STK32B: variants seen among roughly 807,000 people sequenced by gnomAD.
STK32B encodes serine/threonine-protein kinase 32B.
STK32B carries 43 observed loss-of-function variants against 52.6 expected under a neutral mutation model. That is an observed-to-expected ratio of 0.82 (90% CI 0.64 to 1.05). The LOEUF (loss-of-function observed/expected upper bound fraction) is 1.05. STK32B is among the 50% of genes least tolerant of loss of function. The probability of loss-of-function intolerance (pLI) is 0.00; values close to 1 mark genes in which losing one functional copy is unlikely to be tolerated. For missense variants in STK32B, 621 were observed against 534.6 expected (o/e 1.16, Z -1.59); for synonymous variants, 238 against 204.3 (o/e 1.17, Z -1.41).
At chr4:5,487,747 T>C (rs184105353) in intron 11 of STK32B, among the ~76,000 whole-genome samples, 19 of 152,328 alleles carry the variant, frequency 1.2e-4, no homozygotes, top group Non-Finnish European at 2.5e-4. Flanking sequence ...AGTCTTATTC[T>C]GATATGGAGT....
intron 6 of STK32B, among the ~76,000 whole-genome samples, chr4:5,438,659 A>G (rs1425796873): frequency 6.6e-6 from 1 of 152,168 alleles, no homozygotes; most frequent in Non-Finnish European, 1.5e-5. Flanking sequence ...TGTGCAGGTT[A>G]GTTACATATG....
At chr4:5,457,439 T>A in intron 8 of STK32B, among the ~76,000 whole-genome samples, 1 of 150,936 alleles carries the variant, frequency 6.6e-6, no homozygotes, top group East Asian at 2.0e-4. Flanking sequence ...ATGGTCTCAA[T>A]CTCCTGACCT....
At chr4:5,095,380 C>T (rs1430000639) in intron 1 of STK32B, among the ~76,000 whole-genome samples, 1 of 152,116 alleles carries the variant, frequency 6.6e-6, no homozygotes, top group Non-Finnish European at 1.5e-5. Flanking sequence ...TTTGGAAGGT[C>T]GAGGTGGGCG....
At chr4:5,129,650 AC>A (rs913708457) in intron 1 of STK32B, among the ~76,000 whole-genome samples, 1 of 152,176 alleles carries the variant, frequency 6.6e-6, no homozygotes, top group East Asian at 1.9e-4. Context: ...CTTGAGAGGA[AC>A]TGACATATCT....
chr4:5,277,899 C>T (rs1439389514), intron 3 of STK32B, among the ~76,000 whole-genome samples: 2 of 152,204 alleles, frequency 1.3e-5, no homozygotes, highest in East Asian at 1.9e-4. Context: ...TGGCCTGTCA[C>T]TCAGCAGGTG....
At chr4:5,260,281 G>T (rs988695611) in intron 3 of STK32B, among the ~76,000 whole-genome samples, 1 of 152,196 alleles carries the variant, frequency 6.6e-6, no homozygotes, top group African/African-American at 2.4e-5. Flanking sequence ...CACTGGGCAT[G>T]TCAAGATTTT....
chr4:5,169,314 C>G (rs1719146302), intron 3 of STK32B, among the ~76,000 whole-genome samples: 1 of 152,096 alleles, frequency 6.6e-6, no homozygotes, highest in African/African-American at 2.4e-5. Flanking sequence ...GCAAATGTTT[C>G]CTAAGCTGGA....
At chr4:5,105,997 G>A (rs1714086422) in intron 1 of STK32B, among the ~76,000 whole-genome samples, 1 of 151,878 alleles carries the variant, frequency 6.6e-6, no homozygotes, top group African/African-American at 2.4e-5. Flanking sequence ...ATGTTGAGTA[G>A]CATCAATCAT....
chr4:5,203,124 G>A (rs550650174), intron 3 of STK32B, among the ~76,000 whole-genome samples: 3 of 152,288 alleles, frequency 2.0e-5, no homozygotes, highest in Admixed American at 6.5e-5. Flanking sequence ...CTAAAAAGAT[G>A]AAGGTATTTC....
At chr4:5,444,861 C>A (rs1412031972) in intron 6 of STK32B, among the ~76,000 whole-genome samples, 1 of 152,232 alleles carries the variant, frequency 6.6e-6, no homozygotes, top group Non-Finnish European at 1.5e-5. Flanking sequence ...CCAGCAGCAC[C>A]AGTGGTCTTC....
intron 4 of STK32B, among the ~76,000 whole-genome samples, chr4:5,382,242 C>T (rs528737963): frequency 1.1e-4 from 17 of 152,282 alleles, no homozygotes; most frequent in African/African-American, 3.9e-4. Flanking sequence ...AACGTTAACT[C>T]ATAAAGTTAA....
the STK32B span, among the ~76,000 whole-genome samples, chr4:5,038,876 ATAAC>A: frequency 6.6e-6 from 1 of 152,092 alleles, no homozygotes; most frequent in East Asian, 1.9e-4. Context: ...TTAACTTACT[ATAAC>A]TTTTTTTACT....
intron 11 of STK32B, among the ~76,000 whole-genome samples, chr4:5,483,231 T>A (rs1166967938): frequency 6.6e-6 from 1 of 151,470 alleles, no homozygotes; most frequent in East Asian, 1.9e-4. Flanking sequence ...CTCTTTTTGG[T>A]TGGTAAGCTA....
intron 6 of STK32B, among the ~76,000 whole-genome samples, chr4:5,419,053 CTA>C (rs1353972215): frequency 6.6e-6 from 1 of 152,196 alleles, no homozygotes; most frequent in Non-Finnish European, 1.5e-5. Flanking sequence ...AAAGAAATGA[CTA>C]TTTCCCTGGA....
At chr4:5,135,619 T>A (rs1470462821) in intron 1 of STK32B, among the ~76,000 whole-genome samples, 1 of 152,248 alleles carries the variant, frequency 6.6e-6, no homozygotes, top group Non-Finnish European at 1.5e-5. Context: ...GTTGCTGGCC[T>A]GTGTTCAGAG....
intron 3 of STK32B, among the ~76,000 whole-genome samples, chr4:5,328,646 T>C (rs146700894): frequency 6.6e-6 from 1 of 152,302 alleles, no homozygotes; most frequent in East Asian, 1.9e-4. Flanking sequence ...CATAGATCAC[T>C]ATAGGAGATA....
chr4:5,231,228 G>A (rs895053207), intron 3 of STK32B, among the ~76,000 whole-genome samples: 2 of 152,176 alleles, frequency 1.3e-5, no homozygotes, highest in African/African-American at 4.8e-5. Flanking sequence ...GATCGTACAT[G>A]TCTTCTTCTA....
At chr4:5,125,541 T>C (rs1236142055) in intron 1 of STK32B, among the ~76,000 whole-genome samples, 3 of 152,116 alleles carry the variant, frequency 2.0e-5, no homozygotes, top group Non-Finnish European at 4.4e-5. Context: ...GCAGCCTTAC[T>C]TGGCCTGAGG....
At chr4:5,224,822 T>C (rs1396227891) in intron 3 of STK32B, among the ~76,000 whole-genome samples, 2 of 152,180 alleles carry the variant, frequency 1.3e-5, no homozygotes, top group Non-Finnish European at 2.9e-5. Context: ...AGAGTTGATA[T>C]GATTAATTAA....
Sources: gnomAD v4.1 joint callset for allele counts (sites outside exome capture counted in the v4.1 genomes callset) on GRCh38, gnomAD v4.1.1 for gene constraint, MANE v1.5 for transcripts, NCBI Gene and HGNC (gene_info 2026-07-23, HGNC 2026-07-21) for gene names.